The following ANKIB1 variants were observed in gnomAD, a reference collection of about 807,000 sequenced individuals.
The protein encoded by ANKIB1 is ankyrin repeat and IBR domain-containing protein 1.
ANKIB1 carries 43 observed loss-of-function variants against 122.1 expected under a neutral mutation model. The observed-to-expected ratio is 0.35, with a 90% CI of 0.28 to 0.45. ANKIB1 has a LOEUF of 0.45. Ranked by LOEUF, ANKIB1 falls within the 20% of genes least tolerant of loss-of-function variation. The pLI is 1.00. For synonymous variants in ANKIB1, 390 were observed against 442.0 expected (o/e 0.88, Z 1.48); for missense variants, 992 against 1,329.5 (o/e 0.75, Z 3.95).
intron 5 of ANKIB1, among the ~76,000 whole-genome samples, chr7:92,330,730 T>G (rs1422511288): frequency 2.0e-5 from 3 of 151,926 alleles, no homozygotes; most frequent in African/African-American, 7.3e-5. Context: ...TAGTCCCAGC[T>G]ACTTAGGAGG....
chr7:92,283,608 G>A (rs1802054231), intron 1 of ANKIB1, among the ~76,000 whole-genome samples: 1 of 152,080 alleles, frequency 6.6e-6, no homozygotes. Context: ...GTACAGTCAT[G>A]TGCCACATAA....
intron 1 of ANKIB1, among the ~76,000 whole-genome samples, chr7:92,282,959 A>G (rs1264699227): frequency 6.6e-6 from 1 of 152,102 alleles, no homozygotes; most frequent in Non-Finnish European, 1.5e-5. Flanking sequence ...AGCTATTTTC[A>G]GTGTTCATTT....
At chr7:92,360,681 G>A (rs934700150) in intron 9 of ANKIB1, among the ~76,000 whole-genome samples, 7 of 152,140 alleles carry the variant, frequency 4.6e-5, no homozygotes, top group African/African-American at 1.7e-4. Context: ...AACTGCATCA[G>A]CATTTACATT....
intron 2 of ANKIB1, among the ~76,000 whole-genome samples, chr7:92,296,370 C>T (rs995096909): frequency 2.0e-5 from 3 of 152,016 alleles, no homozygotes; most frequent in Non-Finnish European, 4.4e-5. Flanking sequence ...CTACAGGCCT[C>T]GGCCACCATA....
chr7:92,284,323 A>T (rs1802072011), intron 1 of ANKIB1, among the ~76,000 whole-genome samples: 1 of 152,178 alleles, frequency 6.6e-6, no homozygotes, highest in African/African-American at 2.4e-5. Flanking sequence ...GGGGAATGTA[A>T]AATTTCCTAG....
chr7:92,319,484 C>G lies in ANKIB1; in HGVS notation c.641C>G (p.Ala214Gly), dbSNP rs1474523334. The change falls in exon 4 of 20, where the codon GCT (alanine) becomes GGT (glycine). Residue 214 changes from alanine (A) to glycine (G), a missense_variant. Ala to Gly is a moderately conservative substitution (Grantham distance 60). Transcript: ENST00000265742. ...SRDPEAEEIE[A>G]EYAALDKREP... The stretch of plus-strand genomic sequence containing the variant: ...GATCCCGAGGCTGAAGAAATAGAAG[C>G]TGAATATGCTGCATTAGACAAACGA... 1 of 1,611,218 alleles carries G rather than the reference C, an allele frequency of 6.2e-7. No individual in the cohort carries two copies. Among genetic ancestry groups the G allele is most frequent in the Non-Finnish European group, 8.5e-7 (1 of 1,179,260 alleles).
intron 1 of ANKIB1, among the ~76,000 whole-genome samples, chr7:92,255,825 T>A (rs1409219564): frequency 2.6e-5 from 4 of 152,158 alleles, no homozygotes; most frequent in African/African-American, 7.2e-5. Flanking sequence ...TATTCTCAAA[T>A]TGGAACTGTT....
At chr7:92,366,905 A>G (rs1200350533) in intron 10 of ANKIB1, among the ~76,000 whole-genome samples, 3 of 152,198 alleles carry the variant, frequency 2.0e-5, no homozygotes, top group African/African-American at 4.8e-5. Context: ...ATCCCTTACC[A>G]TATTAAAATT....
intron 7 of ANKIB1, among the ~76,000 whole-genome samples, chr7:92,346,651 A>G (rs2131979534): frequency 6.6e-6 from 1 of 152,314 alleles, no homozygotes; most frequent in East Asian, 1.9e-4. Flanking sequence ...GGAGGCAGAA[A>G]ATACTTCCCA....
chr7:92,280,588 A>G (rs1320396693), intron 1 of ANKIB1, among the ~76,000 whole-genome samples: 1 of 151,818 alleles, frequency 6.6e-6, no homozygotes. Context: ...GCTCACTTTT[A>G]GTAATATTTG....
intron 10 of ANKIB1, among the ~76,000 whole-genome samples, chr7:92,369,282 G>C (rs937171604): frequency 1.3e-5 from 2 of 152,138 alleles, no homozygotes; most frequent in African/African-American, 4.8e-5. Flanking sequence ...TTCAGAACTG[G>C]AGTAAAGTCT....
intron 16 of ANKIB1, 23 bp downstream of exon 16, chr7:92,391,367 A>G (rs1185906364): frequency 6.5e-7 from 1 of 1,543,652 alleles, no homozygotes; most frequent in Non-Finnish European, 8.8e-7. Context: ...TACACTGTGG[A>G]AATCATCCTA....
intron 9 of ANKIB1, among the ~76,000 whole-genome samples, chr7:92,358,030 C>T (rs1487509231): frequency 6.6e-6 from 1 of 152,136 alleles, no homozygotes; most frequent in East Asian, 1.9e-4. Context: ...ATCACAAGGT[C>T]AGGAGTTCAA....
chr7:92,395,201 G>C (rs985285625), intron 17 of ANKIB1, among the ~76,000 whole-genome samples: 1 of 152,116 alleles, frequency 6.6e-6, no homozygotes, highest in Non-Finnish European at 1.5e-5. Context: ...ACCCTCTGGT[G>C]ATAACAAACT....
intron 7 of ANKIB1, among the ~76,000 whole-genome samples, chr7:92,350,399 G>T (rs867137814): frequency 3.9e-5 from 6 of 151,970 alleles, no homozygotes; most frequent in African/African-American, 1.5e-4. Flanking sequence ...AGAGGGTAAA[G>T]CAAAATAGAA....
rs1348116791 is a variant in ANKIB1, at chr7:92,399,912, A to C, written c.*963A>C. On this transcript the variant is annotated 3_prime_UTR_variant, in exon 20 of 20. Transcript: ENST00000265742. ...ATTACTGATGGGTGCAATTACTTTT[A>C]ATCGTGTTTTATAAAATAGAAAAAA... 1 of 152,190 alleles carries C rather than the reference A, an allele frequency of 6.6e-6. No homozygotes were observed. Among genetic ancestry groups the C allele is most frequent in the Non-Finnish European group, 1.5e-5 (1 of 68,028 alleles). 9.4% of individuals were successfully genotyped at this position (152,190 alleles called of 1,614,324 possible).
chr7:92,250,909 T>A (rs1226777653), intron 1 of ANKIB1, among the ~76,000 whole-genome samples: 1 of 152,222 alleles, frequency 6.6e-6, no homozygotes, highest in Non-Finnish European at 1.5e-5. Context: ...CCAAAAACTG[T>A]TAGCAGTTTG....
intron 1 of ANKIB1, among the ~76,000 whole-genome samples, chr7:92,282,266 A>C (rs918850681): frequency 6.6e-6 from 1 of 151,350 alleles, no homozygotes; most frequent in African/African-American, 2.4e-5. Context: ...TGATCCTCTC[A>C]CCTCAGCCTC....
Position 92,343,149 on chromosome 7 carries a change from C to A in ANKIB1, c.913C>A (p.Pro305Thr). The A allele has an allele frequency of 6.2e-7, 1 of 1,613,962 alleles. No homozygotes were observed. Among genetic ancestry groups the A allele is most frequent in the Non-Finnish European group, 8.5e-7 (1 of 1,179,882 alleles). ...GYNAWDTLPSPRTPRTTRSSV... is the reference protein window; with the variant it reads ...GYNAWDTLPSTRTPRTTRSSV... Reference sequence around the variant, plus strand: ...TAATGCCTGGGACACGCTCCCATCTCCAAGAACTCCAAGGACTACACGCTC... The same window carrying A: ...TAATGCCTGGGACACGCTCCCATCTACAAGAACTCCAAGGACTACACGCTC... Residue 305 changes from proline to threonine, a missense_variant, in exon 6 of 20, where the codon CCA becomes ACA. Coordinates refer to ENST00000265742, the MANE Select transcript of ANKIB1 (RefSeq NM_019004.2).
Sources: allele counts gnomAD v4.1 joint callset (sites outside exome capture counted in the v4.1 genomes callset), GRCh38; gene constraint gnomAD v4.1.1; transcripts MANE v1.5; gene names NCBI Gene and HGNC (gene_info 2026-07-23, HGNC 2026-07-21).